DMD: variants seen among roughly 807,000 people sequenced by gnomAD.
DMD encodes dystrophin, also known as mutant dystrophin.
DMD carries 63 observed loss-of-function variants against 330.1 expected under a neutral mutation model. That is an observed-to-expected ratio of 0.19 (90% CI 0.16 to 0.24). DMD has a LOEUF of 0.24. Among genes scored for constraint, DMD ranks in the 10% least tolerant of loss-of-function variants. The probability of loss-of-function intolerance (pLI) is 1.00; values close to 1 mark genes in which losing one functional copy is unlikely to be tolerated. For missense variants in DMD, 3,344 were observed against 2,684.1 expected (o/e 1.25, Z -5.43); for synonymous variants, 1,223 against 959.8 (o/e 1.27, Z -5.07).
intron 34 of DMD, among the ~76,000 whole-genome samples, chrX:32,366,169 G>A (rs2097853859): frequency 8.9e-6 from 1 of 112,027 alleles, no homozygotes; most frequent in Non-Finnish European, 1.9e-5. Flanking sequence ...GATGGAAAAA[G>A]TGATCTTAGT....
chrX:32,763,935 A>T (rs2072645729), intron 7 of DMD, among the ~76,000 whole-genome samples: 1 of 111,572 alleles, frequency 9.0e-6, no homozygotes. Flanking sequence ...CAGCCTAAAT[A>T]ATGAGTATTA....
chrX:32,123,242 T>TATAA (rs1311432895), intron 44 of DMD, among the ~76,000 whole-genome samples: 5 of 80,970 alleles, frequency 6.2e-5, no homozygotes, highest in East Asian at 3.9e-4. Flanking sequence ...TATATATATA[T>TATAA]AAATGATCAA....
chrX:33,186,790 A>G (rs778968961), intron 1 of DMD, among the ~76,000 whole-genome samples: 3 of 111,688 alleles, frequency 2.7e-5, no homozygotes, highest in South Asian at 3.7e-4. Context: ...TGACTTGTCT[A>G]CAAGTCAACA....
At chrX:31,390,623 C>G (rs968695152) in intron 60 of DMD, among the ~76,000 whole-genome samples, 2 of 111,470 alleles carry the variant, frequency 1.8e-5, no homozygotes, top group Non-Finnish European at 3.8e-5. Context: ...ATCACCAAGT[C>G]ATACAGATTT....
At chrX:31,193,944 G>A (rs1251961878) in intron 67 of DMD, among the ~76,000 whole-genome samples, 1 of 111,313 alleles carries the variant, frequency 9.0e-6, no homozygotes, top group Non-Finnish European at 1.9e-5. Context: ...ACTTTGGGAG[G>A]CCGAGGCAGG....
At chrX:33,037,717 A>C (rs2094228501) in intron 1 of DMD, among the ~76,000 whole-genome samples, 1 of 112,134 alleles carries the variant, frequency 8.9e-6, no homozygotes, top group East Asian at 2.8e-4. Context: ...TCTGTGATGG[A>C]AACTGGTAAA....
intron 9 of DMD, among the ~76,000 whole-genome samples, chrX:32,682,623 C>G (rs1208507469): frequency 8.9e-6 from 1 of 111,969 alleles, no homozygotes; most frequent in South Asian, 3.7e-4. Flanking sequence ...ATTTTGAGAG[C>G]ATGGCCATGT....
At chrX:32,349,301 G>A (rs976827226) in intron 37 of DMD, among the ~76,000 whole-genome samples, 2 of 111,210 alleles carry the variant, frequency 1.8e-5, no homozygotes, top group African/African-American at 3.3e-5. Context: ...GCAAGGTTTA[G>A]TTATTAGATT....
intron 44 of DMD, among the ~76,000 whole-genome samples, chrX:32,184,571 C>G (rs2685890): frequency 9.1e-5 from 10 of 109,797 alleles, no homozygotes; most frequent in South Asian, 3.8e-4. Context: ...CTTACCAAAA[C>G]GTATTTTTAA....
At chrX:31,672,131 G>A (rs757520721) in intron 53 of DMD, among the ~76,000 whole-genome samples, 1 of 111,647 alleles carries the variant, frequency 9.0e-6, no homozygotes, top group South Asian at 3.7e-4. Flanking sequence ...AGATATTTTT[G>A]TATTTTCTTA....
chrX:32,635,204 G>A (rs1476949419), intron 11 of DMD, among the ~76,000 whole-genome samples: 1 of 111,531 alleles, frequency 9.0e-6, no homozygotes, highest in East Asian at 2.8e-4. Flanking sequence ...CATGCCATGT[G>A]ACTGCTGCCA....
chrX:32,973,554 G>C (rs1343608337), intron 2 of DMD, among the ~76,000 whole-genome samples: 1 of 111,876 alleles, frequency 8.9e-6, no homozygotes, highest in African/African-American at 3.2e-5. Flanking sequence ...AAGCCACCAT[G>C]CTAGGAAGAA....
intron 49 of DMD, among the ~76,000 whole-genome samples, chrX:31,822,179 C>T (rs973227333): frequency 4.5e-5 from 5 of 111,551 alleles, no homozygotes; most frequent in Non-Finnish European, 7.5e-5. Context: ...CTCGGGGGAA[C>T]AGCTTAACTC....
chrX:32,251,699 G>A (rs2097264174), intron 43 of DMD, among the ~76,000 whole-genome samples: 1 of 111,772 alleles, frequency 8.9e-6, no homozygotes, highest in African/African-American at 3.3e-5. Context: ...GCTGGGTGAG[G>A]TGGCTCATAT....
At chrX:31,448,491 G>C (rs913530312) in intron 59 of DMD, among the ~76,000 whole-genome samples, 1 of 111,993 alleles carries the variant, frequency 8.9e-6, no homozygotes, top group South Asian at 3.7e-4. Flanking sequence ...TATTTAAATA[G>C]ATGTGACATT....
At chrX:32,732,339 C>A (rs2067803229) in intron 7 of DMD, among the ~76,000 whole-genome samples, 1 of 111,096 alleles carries the variant, frequency 9.0e-6, no homozygotes, top group Non-Finnish European at 1.9e-5. Context: ...AAACACTCTG[C>A]AGGATATTAT....
chrX:32,414,273 G>A (rs1294370124), intron 29 of DMD, among the ~76,000 whole-genome samples: 1 of 111,374 alleles, frequency 9.0e-6, no homozygotes, highest in Admixed American at 9.6e-5. Context: ...GGCTACCTCT[G>A]GCACCTTCTA....
intron 62 of DMD, among the ~76,000 whole-genome samples, chrX:31,313,320 T>A (rs961352105): frequency 9.0e-6 from 1 of 110,859 alleles, no homozygotes; most frequent in African/African-American, 3.3e-5. Context: ...TGCAACTTGA[T>A]TGCGAAGATA....
intron 1 of DMD, among the ~76,000 whole-genome samples, chrX:33,248,154 GC>G (rs1172745775): frequency 9.0e-6 from 1 of 110,725 alleles, no homozygotes; most frequent in East Asian, 2.8e-4. Context: ...CCATTCTCCT[GC>G]CTCAGCCTCC....
Sources: allele counts gnomAD v4.1 joint callset (sites outside exome capture counted in the v4.1 genomes callset), GRCh38; gene constraint gnomAD v4.1.1; transcripts MANE v1.5; gene names NCBI Gene and HGNC (gene_info 2026-07-23, HGNC 2026-07-21).